Variants in RIT2 observed in about 807,000 individuals in gnomAD.
RIT2 encodes Ras like without CAAX 2.
In RIT2, 24 loss-of-function variants were observed where a neutral mutation model predicts 23.7. The observed-to-expected ratio is 1.01, with a 90% CI of 0.73 to 1.43. The LOEUF (loss-of-function observed/expected upper bound fraction) is 1.43. Among genes scored for constraint, RIT2 ranks in the 40% most tolerant of loss-of-function variants. RIT2 has a pLI of 0.00. For missense variants in RIT2, 236 were observed against 266.9 expected (o/e 0.88, Z 0.81); for synonymous variants, 107 against 91.1 (o/e 1.17, Z -0.99).
At chr18:43,076,851 C>T (rs1212632161) in intron 1 of RIT2, among the ~76,000 whole-genome samples, 2 of 151,990 alleles carry the variant, frequency 1.3e-5, no homozygotes, top group African/African-American at 4.8e-5. Context: ...TGCCTGTAAT[C>T]CCAGCACTTT....
At chr18:42,789,958 T>C (rs539245714) in intron 4 of RIT2, among the ~76,000 whole-genome samples, 35 of 152,300 alleles carry the variant, frequency 2.3e-4, no homozygotes, top group African/African-American at 7.9e-4. Context: ...GCTATGTGGG[T>C]TTATAATACA....
chr18:43,032,060 T>C lies in RIT2; in HGVS notation c.160+1751A>G, dbSNP rs142118352. On this transcript the variant is annotated intron_variant, in intron 2 of 4. Coordinates refer to ENST00000326695, the MANE Select transcript of RIT2 (RefSeq NM_002930.4). ...TTAGAAAGGCCACAAAATGAAATGA[T>C]AGGAAAATCGGATCAAAAGTAATAA... 7.6e-3 allele frequency among the ~76,000 whole-genome samples: 1,152 copies of C among 152,190 alleles called. 9 individuals carry two copies. The highest frequency in any genetic ancestry group is 0.026 in the African/African-American group (1,070 of 41,538).
chr18:42,980,172 C>G (rs1277112980), intron 2 of RIT2, among the ~76,000 whole-genome samples: 1 of 152,060 alleles, frequency 6.6e-6, no homozygotes, highest in Non-Finnish European at 1.5e-5. Flanking sequence ...TGGGACGACT[C>G]AGGGCAAAGA....
intron 1 of RIT2, among the ~76,000 whole-genome samples, chr18:43,042,362 T>C (rs1912148045): frequency 6.6e-6 from 1 of 152,356 alleles, no homozygotes; most frequent in East Asian, 1.9e-4. Context: ...GATCTGGTTA[T>C]TTCTCTTGTA....
chr18:43,077,857 G>T (rs543263556), intron 1 of RIT2, among the ~76,000 whole-genome samples: 1 of 152,100 alleles, frequency 6.6e-6, no homozygotes, highest in South Asian at 2.1e-4. Context: ...CATTTTTTTA[G>T]GACATTGAAT....
chr18:43,098,156 T>G (rs1913599133), intron 1 of RIT2, among the ~76,000 whole-genome samples: 1 of 152,020 alleles, frequency 6.6e-6, no homozygotes, highest in Non-Finnish European at 1.5e-5. Flanking sequence ...TTAAATTCTC[T>G]TTTGAATTCA....
intron 2 of RIT2, among the ~76,000 whole-genome samples, chr18:42,998,550 AT>A (rs912741859): frequency 5.7e-4 from 87 of 151,834 alleles, no homozygotes; most frequent in African/African-American, 2.1e-3. Flanking sequence ...TAGGTTTTGG[AT>A]TTTTTTTTAA....
intron 4 of RIT2, among the ~76,000 whole-genome samples, chr18:42,901,082 G>A (rs1003936335): frequency 4.6e-5 from 7 of 152,002 alleles, no homozygotes; most frequent in African/African-American, 1.7e-4. Context: ...AATTGAATTA[G>A]TACTTTTCTG....
intron 4 of RIT2, among the ~76,000 whole-genome samples, chr18:42,762,408 A>T (rs1274208070): frequency 6.6e-6 from 1 of 152,224 alleles, no homozygotes; most frequent in Non-Finnish European, 1.5e-5. Flanking sequence ...AGAAACCAAA[A>T]ATAAGTATCC....
At chr18:42,879,525 CTTTT>C (rs1483940624) in intron 4 of RIT2, among the ~76,000 whole-genome samples, 1 of 151,374 alleles carries the variant, frequency 6.6e-6, no homozygotes, top group Non-Finnish European at 1.5e-5. Context: ...CACCTGACTT[CTTTT>C]TTGTTTTATT....
At chr18:42,797,641 T>G (rs1187008382) in intron 4 of RIT2, among the ~76,000 whole-genome samples, 3 of 152,188 alleles carry the variant, frequency 2.0e-5, no homozygotes, top group African/African-American at 7.2e-5. Context: ...GACCATTTCC[T>G]GAGTCACTAT....
intron 4 of RIT2, among the ~76,000 whole-genome samples, chr18:42,792,916 C>T (rs1051312424): frequency 5.3e-5 from 8 of 152,152 alleles, no homozygotes; most frequent in Non-Finnish European, 1.0e-4. Flanking sequence ...TGCAAAACTG[C>T]AGTGAGTCAT....
intron 4 of RIT2, among the ~76,000 whole-genome samples, chr18:42,791,934 C>T (rs527603891): frequency 1.3e-5 from 2 of 152,078 alleles, no homozygotes; most frequent in Non-Finnish European, 2.9e-5. Flanking sequence ...CCAGTCATAG[C>T]TAATAAAACA....
At chr18:43,032,284 A>G (rs893043404) in intron 2 of RIT2, among the ~76,000 whole-genome samples, 3 of 152,036 alleles carry the variant, frequency 2.0e-5, no homozygotes, top group Non-Finnish European at 4.4e-5. Flanking sequence ...GTCATTTATG[A>G]TTTATTCACA....
At chr18:42,998,142 C>T (rs907282162) in intron 2 of RIT2, among the ~76,000 whole-genome samples, 5 of 152,206 alleles carry the variant, frequency 3.3e-5, no homozygotes, top group African/African-American at 1.2e-4. Context: ...CATGGGATGG[C>T]ACAGTTTCAT....
At chr18:43,003,572 G>C (rs1396365661) in intron 2 of RIT2, among the ~76,000 whole-genome samples, 1 of 151,718 alleles carries the variant, frequency 6.6e-6, no homozygotes, top group African/African-American at 2.4e-5. Flanking sequence ...TCTATTTCTT[G>C]ACTTCTATTT....
In RIT2 at chr18:42,743,638, A is replaced by G. The variant is rs939233556; in HGVS notation, c.509T>C (p.Ile170Thr). 1.9e-6 allele frequency: 3 copies of G among 1,614,108 alleles called. No individual in the cohort carries two copies. Among genetic ancestry groups the G allele is most frequent in the South Asian group, 1.1e-5 (1 of 91,074 alleles). The change falls in exon 5 of 5, where the codon ATT becomes ACT. Residue 170 changes from isoleucine to threonine, a missense_variant. Transcript: ENST00000326695. ...CACTAAGCCATGAAAAGCATCATCA[A>G]TACAGAATCTGAGGGCTGCAGAGGT... Reference protein sequence around the residue: ...FETSAALRFCIDDAFHGLVRE... With the variant: ...FETSAALRFCTDDAFHGLVRE...
chr18:43,013,372 C>G (rs983667262), intron 2 of RIT2, among the ~76,000 whole-genome samples: 2 of 151,782 alleles, frequency 1.3e-5, no homozygotes, highest in African/African-American at 4.8e-5. Flanking sequence ...TTTTCACTTT[C>G]CTAGTGATAT....
chr18:43,091,084 A>C (rs1270682626), intron 1 of RIT2, among the ~76,000 whole-genome samples: 1 of 151,974 alleles, frequency 6.6e-6, no homozygotes, highest in East Asian at 1.9e-4. Flanking sequence ...TAAATAAATT[A>C]GAGTTTTCAA....
Sources: allele counts gnomAD v4.1 joint callset (sites outside exome capture counted in the v4.1 genomes callset), GRCh38; gene constraint gnomAD v4.1.1; transcripts MANE v1.5; gene names NCBI Gene and HGNC (gene_info 2026-07-23, HGNC 2026-07-21).